Variants in SENP7 observed in about 807,000 individuals in gnomAD.
SENP7 encodes the protein sentrin-specific protease 7.
SENP7 carries 64 observed loss-of-function variants against 141.2 expected under a neutral mutation model. The observed-to-expected ratio is 0.45, with a 90% CI of 0.37 to 0.56. The LOEUF is 0.56. SENP7 is among the 20% of genes least tolerant of loss of function. The pLI, the probability that SENP7 is intolerant of heterozygous loss-of-function variation, is 0.00. For missense variants in SENP7, 1,025 were observed against 1,212.2 expected (o/e 0.85, Z 2.29); for synonymous variants, 382 against 426.4 (o/e 0.90, Z 1.28).
At chr3:101,463,374 T>TATATATATACAC (rs1559864868) in intron 3 of SENP7, among the ~76,000 whole-genome samples, 3 of 86,006 alleles carry the variant, frequency 3.5e-5, no homozygotes, top group Non-Finnish European at 6.7e-5. Context: ...AATATATATA[T>TATATATATACAC]ATATATATAT....
At position 101,509,017 on chromosome 3, in the gene SENP7, C is replaced by A. The variant is rs1000334123; in HGVS notation, c.40+4074G>T. On this transcript the variant is annotated intron_variant, in intron 1 of 23. Coordinates refer to ENST00000394095, the MANE Select transcript of SENP7 (RefSeq NM_020654.5). ...TTAGCTTCTCAAGATCTGTCTATAT[C>A]TTTATCCATCTTTTCTCCTTTCCCT... 1.3e-3 allele frequency among the ~76,000 whole-genome samples: 204 copies of A among 152,210 alleles called. 2 individuals are homozygous for A. Among genetic ancestry groups the A allele is most frequent in the African/African-American group, 4.8e-3 (198 of 41,538 alleles).
chr3:101,457,575 C>T (rs2063396425), intron 4 of SENP7: 3 of 1,595,196 alleles, frequency 1.9e-6, no homozygotes, highest in African/African-American at 1.3e-5. Context: ...ATTGTTTACC[C>T]CTAACTTCTT....
chr3:101,443,047 T>A (rs1413774956), intron 4 of SENP7, among the ~76,000 whole-genome samples: 1 of 152,242 alleles, frequency 6.6e-6, no homozygotes, highest in African/African-American at 2.4e-5. Flanking sequence ...TGAATGGTAA[T>A]GCCGAGGTTT....
intron 3 of SENP7, among the ~76,000 whole-genome samples, chr3:101,493,396 G>A (rs1055987109): frequency 6.6e-6 from 1 of 151,942 alleles, no homozygotes; most frequent in African/African-American, 2.4e-5. Flanking sequence ...TAAAATAAAA[G>A]TTAAAAAACA....
chr3:101,344,035 TAGTA>T, intron 13 of SENP7, 81 bp from the exon 14 acceptor site: 1 of 986,438 alleles, frequency 1.0e-6, no homozygotes, highest in Non-Finnish European at 1.4e-6. Context: ...TTATTAATAA[TAGTA>T]AGGTTGGAAT....
chr3:101,327,423 T>G (rs2058932287), intron 23 of SENP7, among the ~76,000 whole-genome samples: 1 of 152,072 alleles, frequency 6.6e-6, no homozygotes, highest in Non-Finnish European at 1.5e-5. Context: ...CAGCTCTCAT[T>G]CTTCTCCTTG....
chr3:101,376,570 T>C (rs2060335407), intron 6 of SENP7, among the ~76,000 whole-genome samples: 1 of 148,396 alleles, frequency 6.7e-6, no homozygotes, highest in Non-Finnish European at 1.5e-5. Flanking sequence ...CACTCATAGG[T>C]GGGAATTGAA....
chr3:101,368,677 C>T (rs2060103030), intron 7 of SENP7, among the ~76,000 whole-genome samples: 1 of 151,742 alleles, frequency 6.6e-6, no homozygotes, highest in Non-Finnish European at 1.5e-5. Context: ...CACATGTATA[C>T]ATATGTAACT....
At position 101,475,683 on chromosome 3, in the gene SENP7, T is replaced by TATAC. The variant is rs552548802; in HGVS notation, c.187-16635_187-16632dup. Among the ~76,000 whole-genome samples, 54 of 152,168 alleles carry TATAC rather than the reference T, an allele frequency of 3.5e-4. 1 individual carries two copies. In the South Asian group the frequency reaches 0.011, roughly 31 times the overall value. On this transcript the variant is annotated intron_variant, in intron 3 of 23. Transcript: ENST00000394095. ...TTAACAAATCTGCACATCCTGCACG[T>TATAC]ATACCCTGGAACTTAAAATAAAATT... is the stretch of plus-strand genomic sequence containing the variant.
At chr3:101,490,507 T>G (rs1406288050) in intron 3 of SENP7, among the ~76,000 whole-genome samples, 1 of 152,124 alleles carries the variant, frequency 6.6e-6, no homozygotes. Flanking sequence ...GACACAATGG[T>G]TGAGTCATAT....
intron 4 of SENP7, among the ~76,000 whole-genome samples, chr3:101,447,697 A>C (rs910138782): frequency 6.6e-6 from 1 of 152,172 alleles, no homozygotes; most frequent in African/African-American, 2.4e-5. Context: ...CTCTGTCAAA[A>C]TCCTTGCTGG....
intron 1 of SENP7, among the ~76,000 whole-genome samples, chr3:101,509,363 C>T (rs1202509374): frequency 6.6e-6 from 1 of 152,126 alleles, no homozygotes; most frequent in Admixed American, 6.6e-5. Flanking sequence ...ACCACTCTTA[C>T]CATCAGTAAA....
chr3:101,435,354 C>G (rs777040629), intron 4 of SENP7, among the ~76,000 whole-genome samples: 1 of 152,046 alleles, frequency 6.6e-6, no homozygotes, highest in Non-Finnish European at 1.5e-5. Context: ...ACACTGAAAG[C>G]CTTTCCCTTA....
At chr3:101,465,293 C>A (rs2063725122) in intron 3 of SENP7, among the ~76,000 whole-genome samples, 1 of 152,198 alleles carries the variant, frequency 6.6e-6, no homozygotes, top group African/African-American at 2.4e-5. Flanking sequence ...CAAGCCAACT[C>A]CACCTATAGC....
At chr3:101,367,791 T>C (rs751860126) in intron 8 of SENP7, 39 bp downstream of exon 8, 2 of 1,280,672 alleles carry the variant, frequency 1.6e-6, no homozygotes, top group South Asian at 3.4e-5. Context: ...TATCATAGCA[T>C]GAAATTATTT....
intron 3 of SENP7, among the ~76,000 whole-genome samples, chr3:101,473,311 T>G (rs9852199): frequency 6.6e-6 from 1 of 151,998 alleles, no homozygotes; most frequent in Non-Finnish European, 1.5e-5. Context: ...AATGGCCACA[T>G]TGTCTTCCAC....
At chr3:101,349,619 G>A (rs961877314) in intron 12 of SENP7, among the ~76,000 whole-genome samples, 7 of 151,876 alleles carry the variant, frequency 4.6e-5, no homozygotes, top group African/African-American at 1.7e-4. Flanking sequence ...TACCAACATG[G>A]CACATGTATA....
chr3:101,346,917 T>G lies in SENP7; in HGVS notation c.1837+955A>C, dbSNP rs552491578. ...AAACCCATGGAAATAAAAAAAAAATTTAATAAAAGATTTCAATCTGTTTAA... is the reference window on the plus strand; with the variant it reads ...AAACCCATGGAAATAAAAAAAAAATGTAATAAAAGATTTCAATCTGTTTAA... On this transcript the variant is annotated intron_variant, in intron 13 of 23. Coordinates refer to ENST00000394095, the MANE Select transcript of SENP7 (RefSeq NM_020654.5). Among the ~76,000 whole-genome samples, 469 of 147,858 alleles carry G rather than the reference T, an allele frequency of 3.2e-3. 2 individuals are homozygous for G. The highest frequency in any genetic ancestry group is 0.012 in the Admixed American group (170 of 14,742).
intron 1 of SENP7, among the ~76,000 whole-genome samples, chr3:101,502,119 T>A (rs182412838): frequency 1.3e-5 from 2 of 152,324 alleles, no homozygotes; most frequent in African/African-American, 4.8e-5. Flanking sequence ...ATGAAAACGT[T>A]AATAAACTGT....
Sources: allele counts gnomAD v4.1 joint callset (sites outside exome capture counted in the v4.1 genomes callset), GRCh38; gene constraint gnomAD v4.1.1; transcripts MANE v1.5; gene names NCBI Gene and HGNC (gene_info 2026-07-23, HGNC 2026-07-21).